ALCAM: variants seen among roughly 807,000 people sequenced by gnomAD.
ALCAM encodes the protein CD166 antigen.
A neutral mutation model predicts 70.9 loss-of-function variants in ALCAM; 30 were observed. The observed-to-expected ratio is 0.42, with a 90% CI of 0.32 to 0.57. ALCAM has a LOEUF of 0.57. Among genes scored for constraint, ALCAM ranks in the 20% least tolerant of loss-of-function variants. ALCAM has a pLI of 0.11. For synonymous variants in ALCAM, 249 were observed against 242.5 expected (o/e 1.03, Z -0.25); for missense variants, 591 against 695.1 (o/e 0.85, Z 1.68).
intron 14 of ALCAM, among the ~76,000 whole-genome samples, chr3:105,559,020 C>T (rs1433620854): frequency 2.0e-5 from 3 of 151,934 alleles, no homozygotes; most frequent in African/African-American, 7.3e-5. Context: ...TAGAGGGTCA[C>T]CTTTAGCACT....
intron 7 of ALCAM, among the ~76,000 whole-genome samples, chr3:105,541,247 T>G (rs143844184): frequency 2.6e-5 from 4 of 151,450 alleles, no homozygotes; most frequent in Admixed American, 1.3e-4. Flanking sequence ...CTTCCTTTTA[T>G]GTTTTTTCTT....
chr3:105,393,347 C>G (rs146258758), intron 1 of ALCAM, among the ~76,000 whole-genome samples: 8 of 151,530 alleles, frequency 5.3e-5, no homozygotes, highest in Non-Finnish European at 1.0e-4. Flanking sequence ...AACAGAAGTG[C>G]AAATATTCTT....
At chr3:105,506,875 G>A (rs1267152455) in intron 1 of ALCAM, among the ~76,000 whole-genome samples, 2 of 152,212 alleles carry the variant, frequency 1.3e-5, no homozygotes, top group Non-Finnish European at 2.9e-5. Flanking sequence ...TTGTTCATCA[G>A]AGGTTTTGGT....
chr3:105,485,613 A>G (rs1317600302), intron 1 of ALCAM, among the ~76,000 whole-genome samples: 1 of 152,016 alleles, frequency 6.6e-6, no homozygotes, highest in Non-Finnish European at 1.5e-5. Context: ...GTAAATATTT[A>G]TTACTATTAT....
intron 1 of ALCAM, among the ~76,000 whole-genome samples, chr3:105,444,359 C>A (rs1474360840): frequency 6.6e-6 from 1 of 152,104 alleles, no homozygotes; most frequent in Non-Finnish European, 1.5e-5. Context: ...AGAGAGATAA[C>A]AAGCAAGAGC....
rs990290846 is a variant in ALCAM at position 105,479,878 on chromosome 3, C to T, written c.74-40189C>T. ...TATGTCTGCAAAGCTTTGAACCATA[C>T]GTTATACTATGGGAATTCAATTTAT... is the stretch of plus-strand genomic sequence containing the variant. On this transcript the variant is annotated intron_variant, in intron 1 of 15. Transcript: ENST00000306107. Among the ~76,000 whole-genome samples, 7 of 152,018 alleles carry T rather than the reference C, an allele frequency of 4.6e-5. No individual in the cohort carries two copies. The East Asian group carries it at 5.8e-4, about 13-fold the overall frequency.
intron 1 of ALCAM, among the ~76,000 whole-genome samples, chr3:105,452,101 T>G (rs1211676902): frequency 1.6e-5 from 2 of 126,544 alleles, no homozygotes; most frequent in Non-Finnish European, 3.8e-5. Context: ...CATTTTTTGG[T>G]TTTTTTTTCT....
chr3:105,451,952 T>C (rs965808140), intron 1 of ALCAM, among the ~76,000 whole-genome samples: 4 of 152,268 alleles, frequency 2.6e-5, no homozygotes, highest in Non-Finnish European at 5.9e-5. Context: ...TATCTCAGGG[T>C]AGTCCTTGAT....
chr3:105,494,079 T>G (rs1241689101), intron 1 of ALCAM, among the ~76,000 whole-genome samples: 1 of 152,220 alleles, frequency 6.6e-6, no homozygotes, highest in African/African-American at 2.4e-5. Flanking sequence ...AGTTCTTGTT[T>G]TCATTTCCTC....
At chr3:105,458,477 T>C (rs1937562869) in intron 1 of ALCAM, among the ~76,000 whole-genome samples, 1 of 152,166 alleles carries the variant, frequency 6.6e-6, no homozygotes, top group South Asian at 2.1e-4. Context: ...CTGCTCTAAT[T>C]GGATGTTTTG....
intron 1 of ALCAM, among the ~76,000 whole-genome samples, chr3:105,417,997 A>T (rs865834109): frequency 6.6e-6 from 1 of 151,742 alleles, no homozygotes. Flanking sequence ...AGGTAAAAGT[A>T]TCAGAAAAAA....
intron 1 of ALCAM, among the ~76,000 whole-genome samples, chr3:105,453,951 G>T (rs1937494724): frequency 6.6e-6 from 1 of 152,010 alleles, no homozygotes; most frequent in Non-Finnish European, 1.5e-5. Context: ...AACTAAAATT[G>T]TGTCCTCAGG....
chr3:105,524,193 A>G, intron 2 of ALCAM, 96 bp from the exon 3 acceptor site: 1 of 1,003,200 alleles, frequency 1.0e-6, no homozygotes. Context: ...AAATATAGAT[A>G]TTGGTAGAAT....
At chr3:105,458,868 A>G (rs1174905387) in intron 1 of ALCAM, among the ~76,000 whole-genome samples, 1 of 152,048 alleles carries the variant, frequency 6.6e-6, no homozygotes, top group Non-Finnish European at 1.5e-5. Flanking sequence ...GAAATACCCT[A>G]TTTGGTCTCT....
rs2152589891 is a variant in ALCAM, at chr3:105,449,376, G to A, written c.74-70691G>A. On this transcript the variant is annotated intron_variant, in intron 1 of 15. Transcript: ENST00000306107. ...TGAAGAAATACAGGCACGTTCTCCA[G>A]GCATTTTTAGAAAGAAGAGAAAGAG... Among the ~76,000 whole-genome samples the A allele has an allele frequency of 1.3e-5, 2 of 152,184 alleles. 1 individual carries two copies. Among genetic ancestry groups the A allele is most frequent in the Non-Finnish European group, 2.9e-5 (2 of 67,996 alleles).
intron 1 of ALCAM, among the ~76,000 whole-genome samples, chr3:105,485,239 T>C (rs1241234982): frequency 2.0e-5 from 3 of 151,994 alleles, no homozygotes. Flanking sequence ...ACATACAAAC[T>C]GCTCCTGCTC....
At chr3:105,500,602 C>T (rs1938893707) in intron 1 of ALCAM, among the ~76,000 whole-genome samples, 1 of 152,146 alleles carries the variant, frequency 6.6e-6, no homozygotes, top group Non-Finnish European at 1.5e-5. Context: ...AATTCAGTAT[C>T]TTTAAAATAC....
chr3:105,491,707 A>G (rs752738367), intron 1 of ALCAM, among the ~76,000 whole-genome samples: 10 of 152,210 alleles, frequency 6.6e-5, no homozygotes, highest in Non-Finnish European at 1.3e-4. Context: ...GCATAACAAG[A>G]GTCACCTTAG....
intron 1 of ALCAM, among the ~76,000 whole-genome samples, chr3:105,492,133 G>T (rs904909749): frequency 1.1e-4 from 16 of 152,114 alleles, no homozygotes; most frequent in African/African-American, 3.9e-4. Context: ...TCACATGGTG[G>T]CAGCGAGAAG....
Sources: allele counts gnomAD v4.1 joint callset (sites outside exome capture counted in the v4.1 genomes callset), GRCh38; gene constraint gnomAD v4.1.1; transcripts MANE v1.5; gene names NCBI Gene and HGNC (gene_info 2026-07-23, HGNC 2026-07-21).